STPG2: variants seen among roughly 807,000 people sequenced by gnomAD.
STPG2 encodes sperm tail PG-rich repeat containing 2, also known as sperm-tail PG-rich repeat-containing protein 2.
In STPG2, 56 loss-of-function variants were observed where a neutral mutation model predicts 54.2. The observed-to-expected ratio is 1.03, with a 90% CI of 0.83 to 1.29. The LOEUF (loss-of-function observed/expected upper bound fraction) is 1.29, where lower values mean the gene tolerates loss of function less well. STPG2 is among the 50% of genes most tolerant of loss of function. STPG2 has a pLI of 0.00. For synonymous variants in STPG2, 200 were observed against 181.8 expected, an observed-to-expected ratio of 1.10 and a Z score of -0.81; for missense variants, 596 against 544.9, an observed-to-expected ratio of 1.09 and a Z score of -0.93.
chr4:97,732,175 G>C (rs543886131), intron 9 of STPG2, among the ~76,000 whole-genome samples: 1 of 152,140 alleles, frequency 6.6e-6, no homozygotes, highest in Admixed American at 6.5e-5. Context: ...GCATTTTGCC[G>C]CAGCTGCCCC....
At chr4:97,957,745 A>C (rs574700596) in intron 7 of STPG2, among the ~76,000 whole-genome samples, 2 of 152,326 alleles carry the variant, frequency 1.3e-5, no homozygotes, top group African/African-American at 4.8e-5. Context: ...ACAAGCTAGA[A>C]GAGATTGGGG....
At chr4:97,541,115 G>T (rs1483692702) in intron 4 of STPG2, among the ~76,000 whole-genome samples, 1 of 152,124 alleles carries the variant, frequency 6.6e-6, no homozygotes, top group Non-Finnish European at 1.5e-5. Flanking sequence ...GGAAGTTCCG[G>T]CCAGGGCAAT....
intron 4 of STPG2, among the ~76,000 whole-genome samples, chr4:98,108,192 G>T (rs1739240685): frequency 6.6e-6 from 1 of 152,082 alleles, no homozygotes; most frequent in Admixed American, 6.6e-5. Flanking sequence ...GTCCAAGCAA[G>T]ATCCTAAAAT....
chr4:97,621,706 G>C (rs138007696), intron 10 of STPG2, among the ~76,000 whole-genome samples: 1 of 152,226 alleles, frequency 6.6e-6, no homozygotes, highest in African/African-American at 2.4e-5. Flanking sequence ...GTATAAAGAA[G>C]AGCTGGTATC....
chr4:97,677,063 A>T (rs1472746103), intron 10 of STPG2, among the ~76,000 whole-genome samples: 1 of 152,210 alleles, frequency 6.6e-6, no homozygotes, highest in Non-Finnish European at 1.5e-5. Context: ...TTTCAAAATT[A>T]AAAGTATGAG....
intron 9 of STPG2, among the ~76,000 whole-genome samples, chr4:97,836,657 C>A (rs1728643083): frequency 6.6e-6 from 1 of 151,606 alleles, no homozygotes; most frequent in Non-Finnish European, 1.5e-5. Context: ...AACTCTCAAT[C>A]CTTTTACCTC....
chr4:97,685,241 A>G (rs1723154079), intron 10 of STPG2, among the ~76,000 whole-genome samples: 2 of 152,126 alleles, frequency 1.3e-5, no homozygotes, highest in Admixed American at 1.3e-4. Flanking sequence ...TTGAAAATTT[A>G]TATAGACAAA....
At chr4:98,064,544 A>G (rs1044819865) in intron 5 of STPG2, among the ~76,000 whole-genome samples, 47 of 152,324 alleles carry the variant, frequency 3.1e-4, no homozygotes, top group African/African-American at 1.1e-3. Flanking sequence ...TATTCAAACA[A>G]TTTCCTTTTC....
rs566477675 is a variant in STPG2 at position 97,749,788 on chromosome 4, A to G, written c.1205-36974T>C. On this transcript the variant is annotated intron_variant, in intron 9 of 10. Transcript: ENST00000295268. ...TCTATCTGATCATTCTATTTTCTAA[A>G]GTTTTTAGAAGAGCCTAATTCTGAT... Among the ~76,000 whole-genome samples, 8 of 151,908 alleles carry G rather than the reference A, an allele frequency of 5.3e-5. No individual in the cohort carries two copies. In the South Asian group the frequency reaches 1.7e-3, roughly 32 times the overall value.
chr4:97,493,566 C>T (rs538122838), intron 4 of STPG2, among the ~76,000 whole-genome samples: 204 of 151,464 alleles, frequency 1.3e-3, no homozygotes, highest in Middle Eastern at 6.8e-3. Context: ...TCACATGCTG[C>T]TAGCACAGCA....
At chr4:97,747,857 C>G (rs559405968) in intron 9 of STPG2, among the ~76,000 whole-genome samples, 12 of 151,428 alleles carry the variant, frequency 7.9e-5, no homozygotes, top group Admixed American at 2.6e-4. Context: ...TTTATTCAGA[C>G]GTTTGAATAT....
intron 5 of STPG2, among the ~76,000 whole-genome samples, chr4:98,000,698 A>G (rs1382129561): frequency 6.6e-6 from 1 of 152,196 alleles, no homozygotes; most frequent in African/African-American, 2.4e-5. Flanking sequence ...GAAAACTCTA[A>G]GTAAAAATAA....
At chr4:98,028,381 C>A (rs1462964989) in intron 5 of STPG2, among the ~76,000 whole-genome samples, 1 of 152,166 alleles carries the variant, frequency 6.6e-6, no homozygotes. Context: ...GTCTCCTTAT[C>A]CAAATCCAAG....
At chr4:97,789,429 A>G (rs528698216) in intron 9 of STPG2, among the ~76,000 whole-genome samples, 1 of 152,232 alleles carries the variant, frequency 6.6e-6, no homozygotes, top group East Asian at 1.9e-4. Flanking sequence ...AAAAAAGTTA[A>G]GAGTAATTTC....
At chr4:98,050,832 C>T (rs146602384) in intron 5 of STPG2, among the ~76,000 whole-genome samples, 1,783 of 151,974 alleles carry the variant, frequency 0.012, 29 homozygotes, top group African/African-American at 0.041. Flanking sequence ...GGTGAAACCC[C>T]GTCCCTACTA....
chr4:98,078,022 A>G (rs1407715503), intron 5 of STPG2, among the ~76,000 whole-genome samples: 3 of 142,418 alleles, frequency 2.1e-5, no homozygotes, highest in Admixed American at 7.0e-5. Flanking sequence ...TTTGACTGTC[A>G]TTTCAAATAT....
At chr4:97,511,342 GA>G (rs1038087928) in intron 4 of STPG2, among the ~76,000 whole-genome samples, 5 of 151,692 alleles carry the variant, frequency 3.3e-5, no homozygotes, top group East Asian at 3.9e-4. Context: ...AATTTATGGT[GA>G]AAAAAACTAA....
At chr4:97,743,850 GA>G (rs1338778524) in intron 9 of STPG2, among the ~76,000 whole-genome samples, 9 of 151,538 alleles carry the variant, frequency 5.9e-5, no homozygotes, top group Non-Finnish European at 1.3e-4. Flanking sequence ...GATAGGAGTA[GA>G]AAAGCTAGTA....
At chr4:97,688,947 TAAACTA>T (rs1723282702) in intron 10 of STPG2, among the ~76,000 whole-genome samples, 1 of 152,112 alleles carries the variant, frequency 6.6e-6, no homozygotes, top group South Asian at 2.1e-4. Flanking sequence ...AATTTAAAAA[TAAACTA>T]AAACACTAAT....
Sources: allele counts gnomAD v4.1 joint callset (sites outside exome capture counted in the v4.1 genomes callset), GRCh38; gene constraint gnomAD v4.1.1; transcripts MANE v1.5; gene names NCBI Gene and HGNC (gene_info 2026-07-23, HGNC 2026-07-21).